The following ATR variants were observed in gnomAD, a reference collection of about 807,000 sequenced individuals.
ATR encodes serine/threonine-protein kinase ATR.
In ATR, 142 loss-of-function variants were observed where a neutral mutation model predicts 305.3. The observed-to-expected ratio is 0.47, with a 90% CI of 0.41 to 0.53. The LOEUF is 0.53. ATR is among the 20% of genes least tolerant of loss of function. ATR has a pLI of 0.00. For synonymous variants in ATR, 1,050 were observed against 1,068.1 expected (o/e 0.98, Z 0.33); for missense variants, 2,135 against 3,133.1 (o/e 0.68, Z 7.60).
intron 21 of ATR, among the ~76,000 whole-genome samples, chr3:142,526,046 G>T (rs2033375609): frequency 6.6e-6 from 1 of 151,984 alleles, no homozygotes; most frequent in African/African-American, 2.4e-5. Context: ...TCTTTCAGAA[G>T]CATTTTAAAA....
intron 36 of ATR, among the ~76,000 whole-genome samples, chr3:142,476,969 G>A (rs2029882312): frequency 1.3e-5 from 2 of 152,162 alleles, no homozygotes; most frequent in South Asian, 2.1e-4. Flanking sequence ...TGGTGAAGTT[G>A]CTTATCAGCT....
intron 46 of ATR, chr3:142,451,287 A>G (rs1167480052): frequency 8.1e-7 from 1 of 1,230,988 alleles, no homozygotes; most frequent in Non-Finnish European, 1.0e-6. Flanking sequence ...AAACAGGGCC[A>G]AGAGTGTGTG....
At chr3:142,480,797 T>C (rs2030385850) in intron 36 of ATR, among the ~76,000 whole-genome samples, 1 of 152,106 alleles carries the variant, frequency 6.6e-6, no homozygotes. Flanking sequence ...CGGGCACTCC[T>C]CCCCCAGCCT....
At position 142,477,353 on chromosome 3, in the gene ATR, GTGGTT is replaced by G. The variant is rs576174392; in HGVS notation, c.6222-7175_6222-7171del. 1.1e-4 allele frequency among the ~76,000 whole-genome samples: 16 copies of G among 152,294 alleles called. No homozygotes were observed. The South Asian group carries it at 3.3e-3, about 32-fold the overall frequency. On this transcript the variant is annotated intron_variant, in intron 36 of 46. Coordinates refer to ENST00000350721, the MANE Select transcript of ATR (RefSeq NM_001184.4). The stretch of plus-strand genomic sequence containing the variant: ...TTTCTGCATCTATTGACATAATCAT[GTGGTT>G]TTTGTCTTTGCTTCTGTTTATAGGA...
chr3:142,524,889 T>C (rs2108401382), intron 21 of ATR, among the ~76,000 whole-genome samples: 1 of 152,322 alleles, frequency 6.6e-6, no homozygotes, highest in African/African-American at 2.4e-5. Context: ...ATTTAGACCT[T>C]GCACTTGTGT....
chr3:142,450,111 C>CA (rs2070756086), intron 46 of ATR: 1 of 295,660 alleles, frequency 3.4e-6, no homozygotes, highest in African/African-American at 2.2e-5. Context: ...TGGTGGGCTG[C>CA]GCTGCAGCCC....
At chr3:142,575,585 T>C (rs978462664) in intron 1 of ATR, among the ~76,000 whole-genome samples, 1 of 152,168 alleles carries the variant, frequency 6.6e-6, no homozygotes, top group South Asian at 2.1e-4. Context: ...TAGTGGCTAA[T>C]GCTGCTGCTC....
intron 27 of ATR, among the ~76,000 whole-genome samples, chr3:142,509,248 C>T (rs1264366621): frequency 6.6e-6 from 1 of 152,074 alleles, no homozygotes; most frequent in Admixed American, 6.6e-5. Flanking sequence ...CTCACTGCAG[C>T]CTTCACCTCC....
chr3:142,551,622 T>C (rs1409604960), intron 13 of ATR, among the ~76,000 whole-genome samples: 2 of 152,108 alleles, frequency 1.3e-5, no homozygotes, highest in African/African-American at 4.8e-5. Context: ...ACTAGCCATA[T>C]GCAGAAAATT....
chr3:142,462,003 T>G lies in ATR; in HGVS notation c.7129A>C (p.Ile2377Leu). 6.2e-7 allele frequency: 1 copy of G among 1,613,688 alleles called. No homozygotes were observed. The highest frequency in any genetic ancestry group is 8.5e-7 in the Non-Finnish European group (1 of 1,179,768). ...VIPLNDECGI[I>L]EWVNNTAGLR... ...CCAGCAGTGTTGTTCACCCATTCAA[T>G]AATCCCACATTCATCATTTAGTGGA... The change falls in exon 42 of 47, where the codon ATT (isoleucine) becomes CTT (leucine). Residue 2377 changes from isoleucine (I) to leucine (L), a missense_variant. Physicochemically the swap from Ile to Leu is conservative, Grantham distance 5. This residue lies in a region of ATR where 462 missense variants were observed against 887.6 expected (regional missense o/e 0.52). Transcript: ENST00000350721.
chr3:142,539,404 C>T (rs1383305703), intron 18 of ATR, among the ~76,000 whole-genome samples: 1 of 151,968 alleles, frequency 6.6e-6, no homozygotes, highest in East Asian at 1.9e-4. Flanking sequence ...TCATAGATGC[C>T]AACTTGAAGG....
At position 142,454,556 on chromosome 3, in the gene ATR, C is replaced by T. The variant is rs570410230; in HGVS notation, c.7656-1323G>A. Among the ~76,000 whole-genome samples, 1,233 of 150,840 alleles carry T rather than the reference C, an allele frequency of 8.2e-3. 18 individuals carry two copies. Among genetic ancestry groups the T allele is most frequent in the African/African-American group, 0.029 (1,163 of 40,722 alleles). The stretch of plus-strand genomic sequence containing the variant: ...CCTGGGGTTCACGCCATTCTCCTGC[C>T]TCAGCCTCCCGAGTAGCTGGGACTA... On this transcript the variant is annotated intron_variant, in intron 45 of 46. Coordinates refer to ENST00000350721, the MANE Select transcript of ATR (RefSeq NM_001184.4).
intron 21 of ATR, among the ~76,000 whole-genome samples, chr3:142,525,118 C>T (rs571968165): frequency 6.6e-6 from 1 of 152,198 alleles, no homozygotes; most frequent in African/African-American, 2.4e-5. Flanking sequence ...AGACCGCCTC[C>T]CCACCCCCAC....
At chr3:142,500,176 C>T (rs73864547) in intron 30 of ATR, 176 of 170,444 alleles carry the variant, frequency 1.0e-3, no homozygotes, top group African/African-American at 4.0e-3. Context: ...GTATAACTTA[C>T]GGACAGTTGG....
intron 3 of ATR, among the ~76,000 whole-genome samples, chr3:142,564,570 A>C (rs957216549): frequency 6.6e-6 from 1 of 152,200 alleles, no homozygotes; most frequent in Non-Finnish European, 1.5e-5. Flanking sequence ...CACAAGAATA[A>C]ATCAGTCATA....
chr3:142,452,377 T>TA (rs1371257931), intron 46 of ATR: 1 of 986,800 alleles, frequency 1.0e-6, no homozygotes, highest in Non-Finnish European at 1.2e-6. Context: ...TCTAACTTAT[T>TA]AAAAACAACT....
chr3:142,572,007 C>T (rs1317789972), intron 1 of ATR, among the ~76,000 whole-genome samples: 1 of 151,886 alleles, frequency 6.6e-6, no homozygotes, highest in Non-Finnish European at 1.5e-5. Flanking sequence ...CTCAGGTAAT[C>T]CGCCCGCCTC....
chr3:142,452,272 T>G (rs2108247983), intron 46 of ATR: 1 of 994,164 alleles, frequency 1.0e-6, no homozygotes, highest in Non-Finnish European at 1.2e-6. Flanking sequence ...TATTAGCATA[T>G]AGTTGGTATA....
chr3:142,562,187 A>G, intron 4 of ATR, 45 bp downstream of exon 4: 1 of 1,598,274 alleles, frequency 6.3e-7, no homozygotes, highest in Non-Finnish European at 8.6e-7. Flanking sequence ...CAATTAAATG[A>G]TGAACAAAAT....
Sources: allele counts gnomAD v4.1 joint callset (sites outside exome capture counted in the v4.1 genomes callset), GRCh38; gene constraint gnomAD v4.1.1; regional missense constraint gnomAD v4.1.1; transcripts MANE v1.5; gene names NCBI Gene and HGNC (gene_info 2026-07-23, HGNC 2026-07-21).